UST: variants seen among roughly 807,000 people sequenced by gnomAD.
UST encodes the protein uronyl 2-sulfotransferase.
Under a neutral mutation model 45.6 loss-of-function variants are expected in UST, and 21 were observed. The ratio of observed to expected loss-of-function variants is 0.46; its 90% CI spans 0.33 to 0.66. UST has a LOEUF of 0.66. UST is among the 30% of genes least tolerant of loss of function. The probability of loss-of-function intolerance (pLI) is 0.02; values close to 1 mark genes in which losing one functional copy is unlikely to be tolerated. For synonymous variants in UST, 215 were observed against 200.6 expected, an observed-to-expected ratio of 1.07 and a Z score of -0.61; for missense variants, 463 against 512.4, an observed-to-expected ratio of 0.90 and a Z score of 0.93.
At chr6:148,749,726 C>G (rs1582786045) in intron 1 of UST, among the ~76,000 whole-genome samples, 1 of 152,172 alleles carries the variant, frequency 6.6e-6, no homozygotes, top group East Asian at 1.9e-4. Flanking sequence ...ACAATGAGGC[C>G]TAATAAATTT....
intron 1 of UST, among the ~76,000 whole-genome samples, chr6:148,787,861 C>A (rs1169318685): frequency 6.6e-6 from 1 of 152,110 alleles, no homozygotes; most frequent in Non-Finnish European, 1.5e-5. Context: ...AAATTGTAAT[C>A]AAAGCCACTG....
At chr6:148,774,342 T>C (rs1344396198) in intron 1 of UST, among the ~76,000 whole-genome samples, 3 of 151,016 alleles carry the variant, frequency 2.0e-5, no homozygotes, top group East Asian at 1.9e-4. Flanking sequence ...AATTTACTTA[T>C]AGACAAGGCC....
At chr6:148,914,095 A>G (rs1779534387) in intron 2 of UST, among the ~76,000 whole-genome samples, 1 of 152,182 alleles carries the variant, frequency 6.6e-6, no homozygotes, top group South Asian at 2.1e-4. Context: ...ATCCTCCAGA[A>G]CTATGGGAAA....
chr6:148,980,755 G>T (rs190624348), intron 5 of UST, among the ~76,000 whole-genome samples: 1 of 151,972 alleles, frequency 6.6e-6, no homozygotes, highest in Non-Finnish European at 1.5e-5. Flanking sequence ...ATCTTCCTCT[G>T]TTGCCTAGGT....
chr6:148,859,649 C>G (rs1778269502), intron 1 of UST, among the ~76,000 whole-genome samples: 1 of 152,160 alleles, frequency 6.6e-6, no homozygotes, highest in South Asian at 2.1e-4. Flanking sequence ...AGTCTTTAAT[C>G]CATCTCGAAT....
chr6:148,755,904 C>T (rs1337038087), intron 1 of UST, among the ~76,000 whole-genome samples: 6 of 151,998 alleles, frequency 3.9e-5, no homozygotes, highest in Middle Eastern at 6.3e-3. Flanking sequence ...ATGTGCACAA[C>T]GTGCAGGTTT....
At chr6:148,881,024 G>A (rs9377171) in intron 1 of UST, among the ~76,000 whole-genome samples, 11,012 of 149,422 alleles carry the variant, frequency 0.074, 700 homozygotes, top group African/African-American at 0.18. Context: ...ACCAGACTCC[G>A]TCTAAAAAAA....
chr6:148,879,201 C>A (rs1378440256), intron 1 of UST, among the ~76,000 whole-genome samples: 1 of 152,154 alleles, frequency 6.6e-6, no homozygotes, highest in African/African-American at 2.4e-5. Context: ...CCTTGCACCC[C>A]CTTGGAGCAG....
intron 5 of UST, among the ~76,000 whole-genome samples, chr6:149,002,865 G>A (rs1003144869): frequency 2.0e-5 from 3 of 152,164 alleles, no homozygotes; most frequent in African/African-American, 7.2e-5. Context: ...TAAAAATAAT[G>A]AGAACTACCA....
At chr6:148,750,994 T>C (rs1454767151) in intron 1 of UST, among the ~76,000 whole-genome samples, 2 of 152,198 alleles carry the variant, frequency 1.3e-5, no homozygotes, top group Non-Finnish European at 2.9e-5. Flanking sequence ...ATGTACATGC[T>C]AAGGTCTTAT....
intron 4 of UST, among the ~76,000 whole-genome samples, chr6:148,958,584 G>C (rs1780575598): frequency 6.6e-6 from 1 of 152,124 alleles, no homozygotes; most frequent in South Asian, 2.1e-4. Context: ...TCTTTTTTCA[G>C]TTTTCAGAGT....
chr6:148,914,397 G>C (rs1341402213), intron 2 of UST, among the ~76,000 whole-genome samples: 2 of 151,932 alleles, frequency 1.3e-5, no homozygotes, highest in South Asian at 2.1e-4. Flanking sequence ...CCATAGATTG[G>C]GGGGTGGGTG....
At chr6:149,059,826 A>G (rs1776626215) in intron 7 of UST, among the ~76,000 whole-genome samples, 1 of 152,166 alleles carries the variant, frequency 6.6e-6, no homozygotes, top group Non-Finnish European at 1.5e-5. Context: ...GCAATAACCT[A>G]GAAGCCCGTC....
In UST at chr6:148,775,824, G is replaced by A. The variant is rs542163792; in HGVS notation, c.247+28147G>A. Among the ~76,000 whole-genome samples, 4 of 152,034 alleles carry A rather than the reference G, an allele frequency of 2.6e-5. No individual in the cohort carries two copies. The South Asian group carries it at 8.3e-4, about 32-fold the overall frequency. Reference sequence around the variant, plus strand: ...TTTTGAAATTTTTAGTAGAGATGGGGTTTCACCATGTTGGTCAGGCTGATC... The same window carrying A: ...TTTTGAAATTTTTAGTAGAGATGGGATTTCACCATGTTGGTCAGGCTGATC... On this transcript the variant is annotated intron_variant, in intron 1 of 7. Transcript: ENST00000367463.
intron 1 of UST, among the ~76,000 whole-genome samples, chr6:148,778,389 G>A (rs1235957789): frequency 6.6e-6 from 1 of 152,154 alleles, no homozygotes; most frequent in Non-Finnish European, 1.5e-5. Flanking sequence ...TTTATATCAA[G>A]TGATTTGACT....
chr6:148,842,882 G>A (rs889091170), intron 1 of UST, among the ~76,000 whole-genome samples: 4 of 152,006 alleles, frequency 2.6e-5, no homozygotes, highest in Non-Finnish European at 2.9e-5. Context: ...ACTCTGTCGC[G>A]GTGATGACAT....
At chr6:148,849,327 CCTT>C (rs1778061243) in intron 1 of UST, among the ~76,000 whole-genome samples, 1 of 152,122 alleles carries the variant, frequency 6.6e-6, no homozygotes, top group African/African-American at 2.4e-5. Context: ...GCATAAACCT[CCTT>C]CTTTGAGTAT....
At chr6:148,865,819 G>A (rs536537780) in intron 1 of UST, among the ~76,000 whole-genome samples, 1 of 151,830 alleles carries the variant, frequency 6.6e-6, no homozygotes, top group East Asian at 1.9e-4. Flanking sequence ...TGGAAAGATG[G>A]GATAAAAACA....
In UST at chr6:149,014,548, G is replaced by A. The variant is rs150005505; in HGVS notation, c.682-4591G>A. On this transcript the variant is annotated intron_variant, in intron 5 of 7. Coordinates refer to ENST00000367463, the MANE Select transcript of UST (RefSeq NM_005715.3). ...GGACCCCATCTGCCAGATGTGGCTG[G>A]CAGTGAATGGCCAGCATGGAAGGAA... Among the ~76,000 whole-genome samples the A allele has an allele frequency of 2.4e-3, 373 of 152,308 alleles. 1 individual carries two copies. The highest frequency in any genetic ancestry group is 8.5e-3 in the African/African-American group (355 of 41,574).
Sources: allele counts gnomAD v4.1 joint callset (sites outside exome capture counted in the v4.1 genomes callset), GRCh38; gene constraint gnomAD v4.1.1; transcripts MANE v1.5; gene names NCBI Gene and HGNC (gene_info 2026-07-23, HGNC 2026-07-21).